The following PDCD1LG2 variants were observed in gnomAD, a reference collection of about 807,000 sequenced individuals.
The protein encoded by PDCD1LG2 is B7 dendritic cell molecule.
PDCD1LG2 carries 32 observed loss-of-function variants against 28.2 expected under a neutral mutation model. The observed-to-expected ratio is 1.13, with a 90% CI of 0.86 to 1.52. The LOEUF (loss-of-function observed/expected upper bound fraction) is 1.52, where lower values mean the gene tolerates loss of function less well. Ranked by LOEUF, PDCD1LG2 falls within the 40% of genes most tolerant of loss-of-function variation. The pLI is 0.00. For missense variants in PDCD1LG2, 385 were observed against 323.8 expected (o/e 1.19, Z -1.45); for synonymous variants, 116 against 120.2 (o/e 0.97, Z 0.23).
intron 3 of PDCD1LG2, among the ~76,000 whole-genome samples, chr9:5,538,758 C>T (rs1306660635): frequency 6.6e-6 from 1 of 150,428 alleles, no homozygotes; most frequent in Non-Finnish European, 1.5e-5. Context: ...CAAGCAATAA[C>T]AGATATAACA....
chr9:5,561,249 G>T (rs925075759), intron 5 of PDCD1LG2, among the ~76,000 whole-genome samples: 2 of 152,116 alleles, frequency 1.3e-5, no homozygotes. Context: ...ACAGATAATT[G>T]CTCCTGTATT....
chr9:5,533,049 C>T (rs1177469988), intron 2 of PDCD1LG2, among the ~76,000 whole-genome samples: 1 of 152,212 alleles, frequency 6.6e-6, no homozygotes, highest in African/African-American at 2.4e-5. Context: ...TCTTCCGTAT[C>T]ACATTTTATA....
chr9:5,523,867 T>G (rs890951699), intron 2 of PDCD1LG2, among the ~76,000 whole-genome samples: 1 of 152,202 alleles, frequency 6.6e-6, no homozygotes, highest in Non-Finnish European at 1.5e-5. Flanking sequence ...ATCCTGGGTT[T>G]TCTGTCTTTG....
At chr9:5,531,286 G>A (rs1185615930) in intron 2 of PDCD1LG2, among the ~76,000 whole-genome samples, 1 of 152,114 alleles carries the variant, frequency 6.6e-6, no homozygotes, top group Admixed American at 6.6e-5. Context: ...CTTACAATAA[G>A]CAAGAATGTT....
At chr9:5,518,333 C>G (rs1271046410) in intron 1 of PDCD1LG2, among the ~76,000 whole-genome samples, 1 of 152,186 alleles carries the variant, frequency 6.6e-6, no homozygotes, top group Non-Finnish European at 1.5e-5. Context: ...CCTCGGTTTG[C>G]TCAAGGGGAC....
intron 6 of PDCD1LG2, among the ~76,000 whole-genome samples, chr9:5,567,605 T>C (rs758153227): frequency 3.2e-4 from 49 of 152,218 alleles, no homozygotes; most frequent in Non-Finnish European, 7.1e-4. Context: ...TCACAGATTA[T>C]GACATTGGGG....
intron 6 of PDCD1LG2, among the ~76,000 whole-genome samples, chr9:5,566,608 CAG>C (rs1816670966): frequency 6.6e-6 from 1 of 152,176 alleles, no homozygotes. Context: ...CTAAAATTGA[CAG>C]AGTCCCCTGC....
At chr9:5,552,905 T>C (rs926801685) in intron 4 of PDCD1LG2, among the ~76,000 whole-genome samples, 2 of 152,128 alleles carry the variant, frequency 1.3e-5, no homozygotes, top group African/African-American at 4.8e-5. Flanking sequence ...ATTATTAGTT[T>C]AGAAGGAAAG....
At chr9:5,567,929 TTTTTG>T (rs767628267) in intron 6 of PDCD1LG2, among the ~76,000 whole-genome samples, 5 of 152,198 alleles carry the variant, frequency 3.3e-5, no homozygotes, top group Non-Finnish European at 5.9e-5. Context: ...GTCTTTACGT[TTTTTG>T]TTTTGTTTTG....
intron 1 of PDCD1LG2, among the ~76,000 whole-genome samples, chr9:5,518,080 T>G (rs1052010972): frequency 6.6e-6 from 1 of 152,236 alleles, no homozygotes; most frequent in African/African-American, 2.4e-5. Flanking sequence ...TGCAGAGGTC[T>G]AAGATTCTAG....
At chr9:5,559,266 T>A (rs1006391441) in intron 5 of PDCD1LG2, among the ~76,000 whole-genome samples, 2 of 152,196 alleles carry the variant, frequency 1.3e-5, no homozygotes, top group African/African-American at 4.8e-5. Context: ...TTCTTACAAA[T>A]AAGAATTAAG....
At chr9:5,563,716 C>T (rs962930492) in intron 6 of PDCD1LG2, among the ~76,000 whole-genome samples, 2 of 152,118 alleles carry the variant, frequency 1.3e-5, no homozygotes, top group African/African-American at 4.8e-5. Flanking sequence ...GGATGAAAAG[C>T]TTAGACTCAG....
At chr9:5,561,958 G>T (rs981374953) in intron 5 of PDCD1LG2, among the ~76,000 whole-genome samples, 6 of 152,108 alleles carry the variant, frequency 3.9e-5, no homozygotes, top group Non-Finnish European at 8.8e-5. Context: ...TTAACCATTG[G>T]GCTCCTTTCA....
intron 1 of PDCD1LG2, among the ~76,000 whole-genome samples, chr9:5,516,896 A>T (rs1820176626): frequency 1.3e-5 from 2 of 152,174 alleles, no homozygotes; most frequent in African/African-American, 4.8e-5. Flanking sequence ...CCCTGAGAGT[A>T]CAGAGATGCC....
At chr9:5,522,760 C>T (rs1339752897) in intron 2 of PDCD1LG2, among the ~76,000 whole-genome samples, 159 bp downstream of exon 2, 2 of 152,058 alleles carry the variant, frequency 1.3e-5, no homozygotes, top group Non-Finnish European at 2.9e-5. Context: ...AAAGAGTCCC[C>T]ATGGTGGCTT....
intron 2 of PDCD1LG2, among the ~76,000 whole-genome samples, chr9:5,532,659 T>C (rs959068562): frequency 6.6e-6 from 1 of 152,200 alleles, no homozygotes; most frequent in Non-Finnish European, 1.5e-5. Context: ...GTGGGAATCA[T>C]TCAAGCAGCA....
intron 5 of PDCD1LG2, among the ~76,000 whole-genome samples, chr9:5,561,959 G>T (rs1816571511): frequency 6.6e-6 from 1 of 152,134 alleles, no homozygotes; most frequent in Non-Finnish European, 1.5e-5. Context: ...TAACCATTGG[G>T]CTCCTTTCAA....
At chr9:5,568,508 C>T (rs1265163871) in intron 6 of PDCD1LG2, among the ~76,000 whole-genome samples, 1 of 152,214 alleles carries the variant, frequency 6.6e-6, no homozygotes, top group Non-Finnish European at 1.5e-5. Context: ...CACTCCCACA[C>T]CCAATCCATG....
At chr9:5,540,569 C>T (rs1437317783) in intron 3 of PDCD1LG2, among the ~76,000 whole-genome samples, 1 of 152,086 alleles carries the variant, frequency 6.6e-6, no homozygotes, top group Admixed American at 6.5e-5. Context: ...AAAGATTATT[C>T]AAGGCCACTA....
Sources: allele counts gnomAD v4.1 joint callset (sites outside exome capture counted in the v4.1 genomes callset), GRCh38; gene constraint gnomAD v4.1.1; transcripts MANE v1.5; gene names NCBI Gene and HGNC (gene_info 2026-07-23, HGNC 2026-07-21).